NEGR1: variants seen among roughly 807,000 people sequenced by gnomAD.
NEGR1 encodes the protein neuronal growth regulator 1, also known as IgLON family member 4.
A neutral mutation model predicts 40.9 loss-of-function variants in NEGR1; 10 were observed. The observed-to-expected ratio is 0.24, with a 90% CI of 0.15 to 0.42. NEGR1 has a LOEUF of 0.42. NEGR1 is among the 10% of genes least tolerant of loss of function. The pLI, the probability that NEGR1 is intolerant of heterozygous loss-of-function variation, is 1.00. For synonymous variants in NEGR1, 185 were observed against 166.8 expected, an observed-to-expected ratio of 1.11 and a Z score of -0.84; for missense variants, 352 against 438.9, an observed-to-expected ratio of 0.80 and a Z score of 1.77.
intron 1 of NEGR1, among the ~76,000 whole-genome samples, chr1:72,121,872 T>C (rs1166940333): frequency 1.3e-5 from 2 of 152,024 alleles, no homozygotes; most frequent in Non-Finnish European, 2.9e-5. Context: ...TTTTTAAATT[T>C]ATATGACAAC....
At chr1:72,199,146 C>CAGAGAG (rs1339899074) in intron 1 of NEGR1, among the ~76,000 whole-genome samples, 1,996 of 139,024 alleles carry the variant, frequency 0.014, 30 homozygotes, top group African/African-American at 0.029. Flanking sequence ...TCTAGATAGA[C>CAGAGAG]AGACAGAGAG....
chr1:71,924,070 T>C (rs1173245866), intron 2 of NEGR1, among the ~76,000 whole-genome samples: 1 of 151,986 alleles, frequency 6.6e-6, no homozygotes, highest in Admixed American at 6.6e-5. Flanking sequence ...TAAAAAAAAA[T>C]TGTAGAAATA....
At chr1:71,885,170 C>T (rs764323808) in intron 2 of NEGR1, among the ~76,000 whole-genome samples, 7 of 152,218 alleles carry the variant, frequency 4.6e-5, no homozygotes, top group Admixed American at 1.3e-4. Flanking sequence ...AAACAGCCCT[C>T]AAATGGTCTG....
chr1:71,756,433 A>C (rs555081385), intron 3 of NEGR1, among the ~76,000 whole-genome samples: 32 of 151,774 alleles, frequency 2.1e-4, no homozygotes, highest in Admixed American at 6.6e-4. Flanking sequence ...ACCAAAAAAA[A>C]CCACATCAGG....
intron 3 of NEGR1, among the ~76,000 whole-genome samples, chr1:71,719,295 A>G (rs1654376186): frequency 6.6e-6 from 1 of 152,236 alleles, no homozygotes; most frequent in South Asian, 2.1e-4. Flanking sequence ...CATACATAAC[A>G]AATGTTCATT....
chr1:71,572,661 C>A (rs1211603538), intron 6 of NEGR1, among the ~76,000 whole-genome samples: 1 of 152,090 alleles, frequency 6.6e-6, no homozygotes, highest in African/African-American at 2.4e-5. Context: ...CATTTAAATT[C>A]ATCTCTATGT....
chr1:71,647,981 G>C (rs1651588759), intron 4 of NEGR1, among the ~76,000 whole-genome samples: 1 of 151,958 alleles, frequency 6.6e-6, no homozygotes, highest in Non-Finnish European at 1.5e-5. Context: ...GAAGGTAAAA[G>C]TCTATATATA....
chr1:71,754,118 C>T (rs932034945), intron 3 of NEGR1, among the ~76,000 whole-genome samples: 2 of 152,052 alleles, frequency 1.3e-5, no homozygotes, highest in Non-Finnish European at 2.9e-5. Context: ...CACTGAGGAA[C>T]TTTGTGTTCC....
At chr1:71,881,094 A>C (rs1363018215) in intron 2 of NEGR1, among the ~76,000 whole-genome samples, 2 of 152,006 alleles carry the variant, frequency 1.3e-5, no homozygotes, top group East Asian at 3.9e-4. Context: ...CAGGATTCTC[A>C]AGAAAGTTGT....
At chr1:71,545,763 C>A (rs1647874640) in intron 6 of NEGR1, among the ~76,000 whole-genome samples, 1 of 151,578 alleles carries the variant, frequency 6.6e-6, no homozygotes, top group Admixed American at 6.6e-5. Context: ...AAAACTCAGG[C>A]TGTGTGTAGA....
chr1:71,588,008 G>A (rs1431381701), intron 6 of NEGR1, among the ~76,000 whole-genome samples: 2 of 151,952 alleles, frequency 1.3e-5, no homozygotes, highest in South Asian at 2.1e-4. Flanking sequence ...CTTTGAATAC[G>A]TGTCTTATAA....
intron 4 of NEGR1, among the ~76,000 whole-genome samples, chr1:71,684,278 AATT>A (rs1652947130): frequency 6.6e-6 from 1 of 152,074 alleles, no homozygotes; most frequent in African/African-American, 2.4e-5. Context: ...CTCAAAAAAA[AATT>A]ATAACGCATA....
intron 2 of NEGR1, among the ~76,000 whole-genome samples, chr1:71,808,928 C>T (rs918087275): frequency 6.6e-6 from 1 of 152,020 alleles, no homozygotes; most frequent in African/African-American, 2.4e-5. Flanking sequence ...TCTATATATG[C>T]CAATTCATCA....
chr1:71,967,399 C>A (rs1372755098), intron 1 of NEGR1, among the ~76,000 whole-genome samples: 1 of 151,966 alleles, frequency 6.6e-6, no homozygotes, highest in African/African-American at 2.4e-5. Flanking sequence ...CACACTCAGG[C>A]AACAGTGGAT....
intron 1 of NEGR1, among the ~76,000 whole-genome samples, chr1:72,220,085 CCTA>C (rs1653959380): frequency 6.6e-6 from 1 of 151,856 alleles, no homozygotes; most frequent in Non-Finnish European, 1.5e-5. Context: ...ACTTTAACTG[CCTA>C]CTGATTGATT....
intron 2 of NEGR1, among the ~76,000 whole-genome samples, chr1:71,803,044 G>A (rs1374346716): frequency 1.3e-5 from 2 of 152,108 alleles, no homozygotes; most frequent in Non-Finnish European, 2.9e-5. Flanking sequence ...GAATTTTATA[G>A]GCCAAATTGT....
At chr1:72,113,004 C>T (rs368355847) in intron 1 of NEGR1, among the ~76,000 whole-genome samples, 6 of 151,624 alleles carry the variant, frequency 4.0e-5, no homozygotes, top group African/African-American at 7.3e-5. Flanking sequence ...AAGAAGTCTC[C>T]GACTTCCACA....
chr1:71,604,017 C>T (rs1283734740), intron 5 of NEGR1, among the ~76,000 whole-genome samples: 1 of 152,120 alleles, frequency 6.6e-6, no homozygotes, highest in African/African-American at 2.4e-5. Flanking sequence ...AACATTAAAA[C>T]CTCATTAAAA....
At chr1:71,727,292 TA>T (rs1654705381) in intron 3 of NEGR1, among the ~76,000 whole-genome samples, 1 of 152,158 alleles carries the variant, frequency 6.6e-6, no homozygotes, top group African/African-American at 2.4e-5. Context: ...TGCATAATTT[TA>T]ATATACCATA....
Sources: gnomAD v4.1 joint callset for allele counts (sites outside exome capture counted in the v4.1 genomes callset) on GRCh38, gnomAD v4.1.1 for gene constraint, MANE v1.5 for transcripts, NCBI Gene and HGNC (gene_info 2026-07-23, HGNC 2026-07-21) for gene names.